Variants in PHF24 observed in about 807,000 individuals in gnomAD.
The protein encoded by PHF24 is Galpha inhibitory interacting protein.
PHF24 carries 25 observed loss-of-function variants against 42.6 expected under a neutral mutation model. The ratio of observed to expected loss-of-function variants is 0.59; its 90% CI spans 0.43 to 0.82. The LOEUF (loss-of-function observed/expected upper bound fraction) is 0.82, where lower values mean the gene tolerates loss of function less well. Ranked by LOEUF, PHF24 falls within the 40% of genes least tolerant of loss-of-function variation. The pLI, the probability that PHF24 is intolerant of heterozygous loss-of-function variation, is 0.00. For missense variants in PHF24, 470 were observed against 538.1 expected, an observed-to-expected ratio of 0.87 and a Z score of 1.25; for synonymous variants, 185 against 204.8, an observed-to-expected ratio of 0.90 and a Z score of 0.83.
chr9:34,683,998 G>GGAGTGGTT, the PHF24 span, among the ~76,000 whole-genome samples: 1 of 152,170 alleles, frequency 6.6e-6, no homozygotes, highest in African/African-American at 2.4e-5. Context: ...GTATGCTCTG[G>GGAGTGGTT]GAGTGGTTCT....
At chr9:34,811,011 G>A in the PHF24 span, among the ~76,000 whole-genome samples, 1 of 151,938 alleles carries the variant, frequency 6.6e-6, no homozygotes, top group Non-Finnish European at 1.5e-5. Flanking sequence ...ACCTTTGAAC[G>A]AAAGAATAAA....
At chr9:34,698,131 C>T in the PHF24 span, among the ~76,000 whole-genome samples, 2 of 151,388 alleles carry the variant, frequency 1.3e-5, no homozygotes, top group African/African-American at 4.9e-5. Flanking sequence ...ACCTTGTAAA[C>T]AGAAACTTGA....
At chr9:34,852,325 T>G in the PHF24 span, among the ~76,000 whole-genome samples, 1 of 152,336 alleles carries the variant, frequency 6.6e-6, no homozygotes, top group African/African-American at 2.4e-5. Flanking sequence ...ATATGCAGAT[T>G]TTCAACTGCA....
At chr9:34,679,604 A>G in the PHF24 span, among the ~76,000 whole-genome samples, 2 of 152,180 alleles carry the variant, frequency 1.3e-5, no homozygotes, top group African/African-American at 4.8e-5. Flanking sequence ...AATTCCAGCT[A>G]CTCAGGAGGC....
At chr9:34,821,042 G>A in the PHF24 span, among the ~76,000 whole-genome samples, 1 of 152,106 alleles carries the variant, frequency 6.6e-6, no homozygotes, top group Non-Finnish European at 1.5e-5. Context: ...CTTTTGAAAA[G>A]TGTCTGTTCA....
At chr9:34,751,056 A>C in the PHF24 span, among the ~76,000 whole-genome samples, 2 of 152,178 alleles carry the variant, frequency 1.3e-5, no homozygotes, top group African/African-American at 2.4e-5. Context: ...ACTCCATGCA[A>C]ATGGAAACCA....
chr9:34,774,349 G>A, the PHF24 span, among the ~76,000 whole-genome samples: 1 of 152,168 alleles, frequency 6.6e-6, no homozygotes, highest in Non-Finnish European at 1.5e-5. Flanking sequence ...TCATATATCT[G>A]ATGAGGGATT....
chr9:34,922,807 C>T, the PHF24 span: 277 of 1,592,650 alleles, frequency 1.7e-4, no homozygotes, highest in Non-Finnish European at 2.3e-4. Context: ...TTCCTCTCCT[C>T]ATTGGATAAT....
At chr9:34,792,844 T>G in the PHF24 span, among the ~76,000 whole-genome samples, 1 of 152,162 alleles carries the variant, frequency 6.6e-6, no homozygotes, top group African/African-American at 2.4e-5. Flanking sequence ...CCTGTGTCCA[T>G]ATGAGCATCA....
the PHF24 span, among the ~76,000 whole-genome samples, chr9:34,836,682 T>C: frequency 4.6e-5 from 7 of 152,216 alleles, no homozygotes; most frequent in African/African-American, 7.2e-5. Flanking sequence ...GCAGGGTTCA[T>C]CTTGGTCAGC....
the PHF24 span, among the ~76,000 whole-genome samples, chr9:34,809,925 C>CGGGGCGCG: frequency 0.31 from 47,223 of 150,000 alleles, 7,935 homozygotes; most frequent in East Asian, 0.55. The surrounding 1 kb of genome is among the most constrained non-coding windows in gnomAD (Gnocchi z 4.1). Flanking sequence ...GCCAGTACCT[C>CGGGGCGCG]GGGGCGCGGG....
At chr9:34,669,123 A>G in the PHF24 span, among the ~76,000 whole-genome samples, 1 of 152,134 alleles carries the variant, frequency 6.6e-6, no homozygotes, top group African/African-American at 2.4e-5. Context: ...TTGATGTCTC[A>G]TGTCTCCCCA....
At chr9:34,720,472 C>A in the PHF24 span, among the ~76,000 whole-genome samples, 3,717 of 141,122 alleles carry the variant, frequency 0.026, 241 homozygotes, top group African/African-American at 0.085. Flanking sequence ...CAAAACAAAA[C>A]AAAAAACATG....
At chr9:34,865,591 T>TAA in the PHF24 span, among the ~76,000 whole-genome samples, 43 of 151,290 alleles carry the variant, frequency 2.8e-4, no homozygotes, top group Admixed American at 5.9e-4. Context: ...ATAAAAATAA[T>TAA]AAAAAAAATA....
chr9:34,669,087 A>G, the PHF24 span, among the ~76,000 whole-genome samples: 1 of 152,106 alleles, frequency 6.6e-6, no homozygotes, highest in Non-Finnish European at 1.5e-5. Context: ...TCCAGACTGA[A>G]CCAGTGTACA....
chr9:34,759,384 C>T, the PHF24 span, among the ~76,000 whole-genome samples: 1 of 152,084 alleles, frequency 6.6e-6, no homozygotes, highest in Non-Finnish European at 1.5e-5. Context: ...CTTGTTTTTT[C>T]CCTCTTTTCC....
chr9:34,742,837 C>T, the PHF24 span, among the ~76,000 whole-genome samples: 1 of 152,112 alleles, frequency 6.6e-6, no homozygotes, highest in Non-Finnish European at 1.5e-5. Context: ...AAGACAATTA[C>T]CTATAATAAA....
chr9:34,707,706 TTTC>T, the PHF24 span, among the ~76,000 whole-genome samples: 5 of 152,038 alleles, frequency 3.3e-5, no homozygotes, highest in African/African-American at 7.2e-5. Flanking sequence ...GGTTCCTACC[TTTC>T]TTCTTCTTCT....
chr9:34,701,515 G>A, the PHF24 span, among the ~76,000 whole-genome samples: 2 of 152,140 alleles, frequency 1.3e-5, no homozygotes, highest in African/African-American at 4.8e-5. This position sits in a 1 kb window ranked among gnomAD's most constrained non-coding sequence, Gnocchi z 5.8. Context: ...AGGGGTGGGC[G>A]CATGCGGCTG....
Sources: allele counts gnomAD v4.1 joint callset (sites outside exome capture counted in the v4.1 genomes callset), GRCh38; gene constraint gnomAD v4.1.1; non-coding constraint Gnocchi (gnomAD v3.1); transcripts MANE v1.5; gene names NCBI Gene and HGNC (gene_info 2026-07-23, HGNC 2026-07-21).